Variants in ADGRL3 observed in about 807,000 individuals in gnomAD.
ADGRL3 encodes calcium-independent alpha-latrotoxin receptor 3.
In ADGRL3, 62 loss-of-function variants were observed where a neutral mutation model predicts 153.5. The observed-to-expected ratio is 0.40, with a 90% CI of 0.33 to 0.50. ADGRL3 has a LOEUF of 0.50. ADGRL3 is among the 20% of genes least tolerant of loss of function. The pLI is 0.47. For synonymous variants in ADGRL3, 710 were observed against 672.5 expected (o/e 1.06, Z -0.86); for missense variants, 1,641 against 1,859.4 (o/e 0.88, Z 2.16).
In ADGRL3 at chr4:62,070,526, A is replaced by G; in HGVS notation, c.4250A>G (p.His1417Arg). ...TACTCCACCGAGAACCACCAGCCAC[A>G]CCATTATACCAGAAGGCGGATCCCC... is the stretch of plus-strand genomic sequence containing the variant. Reference protein sequence around the residue: ...RVYSTENHQPHHYTRRRIPQD... With the variant: ...RVYSTENHQPRHYTRRRIPQD... The change falls in exon 27 of 27, where the codon CAC becomes CGC. Residue 1417 changes from histidine (H) to arginine (R), a missense_variant. His to Arg is a conservative substitution (Grantham distance 29). Transcript: ENST00000683033. 6.5e-7 allele frequency: 1 copy of G among 1,547,184 alleles called. No homozygotes were observed.
At chr4:61,808,577 A>G (rs1282675752) in intron 8 of ADGRL3, among the ~76,000 whole-genome samples, 1 of 152,198 alleles carries the variant, frequency 6.6e-6, no homozygotes, top group African/African-American at 2.4e-5. Flanking sequence ...TTGACTTTCC[A>G]TTGGTGTTTA....
intron 20 of ADGRL3, among the ~76,000 whole-genome samples, chr4:61,996,983 T>C (rs189357630): frequency 4.1e-5 from 6 of 146,302 alleles, no homozygotes. Flanking sequence ...AAATACAAAG[T>C]TGCTATCCAT....
At chr4:61,948,586 C>T (rs2098934843) in intron 17 of ADGRL3, among the ~76,000 whole-genome samples, 1 of 152,084 alleles carries the variant, frequency 6.6e-6, no homozygotes, top group African/African-American at 2.4e-5. Context: ...GACTCCAGGA[C>T]CAAAGGCCAG....
intron 9 of ADGRL3, among the ~76,000 whole-genome samples, chr4:61,861,331 T>C (rs1294914800): frequency 2.0e-5 from 3 of 152,198 alleles, no homozygotes; most frequent in Admixed American, 1.3e-4. Flanking sequence ...GGGTTATTGA[T>C]TTATGGTAAT....
intron 5 of ADGRL3, among the ~76,000 whole-genome samples, chr4:61,623,026 A>G (rs1214808641): frequency 6.6e-6 from 1 of 152,164 alleles, no homozygotes; most frequent in African/African-American, 2.4e-5. Flanking sequence ...GGTCACATTA[A>G]TAGACCGATA....
At chr4:61,763,636 T>C (rs1255251246) in intron 8 of ADGRL3, among the ~76,000 whole-genome samples, 1 of 152,148 alleles carries the variant, frequency 6.6e-6, no homozygotes, top group Non-Finnish European at 1.5e-5. Flanking sequence ...AGTTTCTTTA[T>C]ACTGTATAAA....
At chr4:61,321,474 A>T (rs114065131) in intron 1 of ADGRL3, among the ~76,000 whole-genome samples, 2,460 of 152,038 alleles carry the variant, frequency 0.016, 57 homozygotes, top group African/African-American at 0.052. Flanking sequence ...TATTTTTTAT[A>T]ACAGTCATAT....
intron 5 of ADGRL3, among the ~76,000 whole-genome samples, chr4:61,600,211 G>A (rs2099005408): frequency 6.9e-6 from 1 of 144,170 alleles, no homozygotes; most frequent in African/African-American, 2.6e-5. Context: ...AGGAGGCTGA[G>A]GCAGGAGAAT....
chr4:61,663,397 G>A (rs369765865), intron 5 of ADGRL3, among the ~76,000 whole-genome samples: 9 of 152,178 alleles, frequency 5.9e-5, no homozygotes, highest in East Asian at 1.9e-4. Flanking sequence ...ACTATGCCTG[G>A]TCCAGCCACA....
intron 8 of ADGRL3, among the ~76,000 whole-genome samples, chr4:61,750,776 C>T (rs1025206630): frequency 1.6e-4 from 21 of 133,040 alleles, no homozygotes; most frequent in Admixed American, 2.3e-4. Context: ...GGCGACAGAG[C>T]GAGACTCCGT....
chr4:61,532,468 G>A (rs928834706), intron 4 of ADGRL3, among the ~76,000 whole-genome samples: 2 of 151,844 alleles, frequency 1.3e-5, no homozygotes, highest in African/African-American at 4.8e-5. Context: ...GACCCCAGGG[G>A]TCAGAGTGAG....
chr4:61,476,631 C>T (rs2098059203), intron 2 of ADGRL3, among the ~76,000 whole-genome samples: 3 of 133,674 alleles, frequency 2.2e-5, no homozygotes, highest in Admixed American at 1.7e-4. Flanking sequence ...ATCGCTTGAA[C>T]CTGGGAGGTG....
intron 11 of ADGRL3, among the ~76,000 whole-genome samples, chr4:61,896,926 T>C (rs889581258): frequency 3.3e-5 from 5 of 152,140 alleles, no homozygotes; most frequent in African/African-American, 1.2e-4. Context: ...TTAAAAACAG[T>C]CCCTAGATAC....
Position 61,847,802 on chromosome 4 carries a change from T to C in ADGRL3, c.1480+33913T>C, listed in dbSNP as rs1213084819. ...TACAAAATATATTATATATATAATA[T>C]AAAATATATTATATATATATAATAT... On this transcript the variant is annotated intron_variant, in intron 9 of 26. Transcript: ENST00000683033. Among the ~76,000 whole-genome samples, 31 of 19,800 alleles carry C rather than the reference T, an allele frequency of 1.6e-3. 2 individuals are homozygous for C. Among genetic ancestry groups the C allele is most frequent in the African/African-American group, 1.9e-3 (14 of 7,322 alleles). The allele number at this position is 19,800 out of a possible 152,430, so 13.0% of individuals were successfully genotyped here.
intron 8 of ADGRL3, among the ~76,000 whole-genome samples, chr4:61,750,141 C>A (rs2096734143): frequency 8.0e-6 from 1 of 125,494 alleles, no homozygotes. Flanking sequence ...AACTTACAGT[C>A]TATTGAAAAC....
intron 2 of ADGRL3, among the ~76,000 whole-genome samples, chr4:61,412,928 T>C (rs937876011): frequency 4.6e-5 from 7 of 152,200 alleles, no homozygotes; most frequent in Non-Finnish European, 7.3e-5. Context: ...ATTCTATTGA[T>C]TGTGTTTTTT....
At position 61,535,820 on chromosome 4, in the gene ADGRL3, C is replaced by T. The variant is rs367786391; in HGVS notation, c.259+18302C>T. Among the ~76,000 whole-genome samples the T allele has an allele frequency of 2.6e-5, 4 of 151,906 alleles. 1 individual carries two copies. In the East Asian group the frequency reaches 5.8e-4, roughly 22 times the overall value. The stretch of plus-strand genomic sequence containing the variant: ...TCTTCTTCGTTAATCTAGCTGGCAT[C>T]TATCAATTTTGTTCATCCTTTCAAA... On this transcript the variant is annotated intron_variant, in intron 4 of 26. Coordinates refer to ENST00000683033, the MANE Select transcript of ADGRL3 (RefSeq NM_001387552.1).
At chr4:61,510,169 A>T (rs191122275) in intron 3 of ADGRL3, among the ~76,000 whole-genome samples, 17 of 152,266 alleles carry the variant, frequency 1.1e-4, no homozygotes, top group African/African-American at 3.6e-4. Flanking sequence ...GATGTTTGTC[A>T]GATGCATAGT....
intron 8 of ADGRL3, among the ~76,000 whole-genome samples, chr4:61,743,753 AGCTCC>A (rs1367849460): frequency 6.6e-6 from 1 of 152,242 alleles, no homozygotes; most frequent in Non-Finnish European, 1.5e-5. Context: ...GAATAGGAAC[AGCTCC>A]GCTCTACAGC....
Sources: allele counts gnomAD v4.1 joint callset (sites outside exome capture counted in the v4.1 genomes callset), GRCh38; gene constraint gnomAD v4.1.1; transcripts MANE v1.5; gene names NCBI Gene and HGNC (gene_info 2026-07-23, HGNC 2026-07-21).